Variants in GPD2 observed in about 807,000 individuals in gnomAD.
GPD2 encodes glycerol-3-phosphate dehydrogenase 2.
Under a neutral mutation model 82.4 loss-of-function variants are expected in GPD2, and 54 were observed. The ratio of observed to expected loss-of-function variants is 0.66; its 90% CI spans 0.53 to 0.82. The LOEUF (loss-of-function observed/expected upper bound fraction) is 0.82, where lower values mean the gene tolerates loss of function less well. GPD2 is among the 40% of genes least tolerant of loss of function. The probability of loss-of-function intolerance (pLI) is 0.00; values close to 1 mark genes in which losing one functional copy is unlikely to be tolerated. For missense variants in GPD2, 748 were observed against 896.2 expected (o/e 0.83, Z 2.11); for synonymous variants, 288 against 306.1 (o/e 0.94, Z 0.62).
intron 6 of GPD2, among the ~76,000 whole-genome samples, chr2:156,538,519 A>G (rs1686168316): frequency 6.6e-6 from 1 of 151,868 alleles, no homozygotes; most frequent in Non-Finnish European, 1.5e-5. Flanking sequence ...TATTTGAATA[A>G]CCAAATTAAG....
chr2:156,550,845 C>T, intron 8 of GPD2, 99 bp downstream of exon 8: 1 of 962,198 alleles, frequency 1.0e-6, no homozygotes, highest in South Asian at 1.4e-5. Context: ...GATGGTCTAA[C>T]TTGCTGTTCA....
At chr2:156,541,884 G>A (rs966312406) in intron 6 of GPD2, among the ~76,000 whole-genome samples, 2 of 127,094 alleles carry the variant, frequency 1.6e-5, no homozygotes, top group African/African-American at 6.0e-5. Flanking sequence ...CCTGGGAAAG[G>A]CACAAGGAAT....
At chr2:156,562,146 T>G (rs1415250378) in intron 9 of GPD2, among the ~76,000 whole-genome samples, 5 of 152,236 alleles carry the variant, frequency 3.3e-5, no homozygotes, top group Non-Finnish European at 7.3e-5. Context: ...GACAGAAGAT[T>G]TGCTGAGTGC....
At chr2:156,497,576 C>T (rs1442091863) in intron 3 of GPD2, among the ~76,000 whole-genome samples, 1 of 152,100 alleles carries the variant, frequency 6.6e-6, no homozygotes, top group Non-Finnish European at 1.5e-5. Flanking sequence ...ACTGCAGCCA[C>T]TCTTGATTTA....
chr2:156,575,513 C>T (rs1413127345), intron 13 of GPD2, among the ~76,000 whole-genome samples: 4 of 151,428 alleles, frequency 2.6e-5, no homozygotes, highest in Admixed American at 2.6e-4. Flanking sequence ...GGTGATTCTC[C>T]CACCTCAGCC....
chr2:156,451,886 C>T (rs1458675085), intron 1 of GPD2, among the ~76,000 whole-genome samples: 41 of 148,236 alleles, frequency 2.8e-4, no homozygotes, highest in Non-Finnish European at 4.8e-4. Context: ...ACGGGGCGGC[C>T]GGGCAGAGAC....
chr2:156,504,291 G>A (rs1325976085), intron 3 of GPD2, among the ~76,000 whole-genome samples: 1 of 151,964 alleles, frequency 6.6e-6, no homozygotes, highest in Non-Finnish European at 1.5e-5. Context: ...CCCATAAAAT[G>A]TTCAGCCTTC....
chr2:156,575,924 A>G (rs372043135), intron 13 of GPD2, among the ~76,000 whole-genome samples: 3 of 152,214 alleles, frequency 2.0e-5, no homozygotes, highest in Non-Finnish European at 2.9e-5. Flanking sequence ...TTAAATTACA[A>G]TGTTGATGGC....
chr2:156,574,939 T>C (rs1031828010), intron 13 of GPD2, among the ~76,000 whole-genome samples: 4 of 152,214 alleles, frequency 2.6e-5, no homozygotes, highest in African/African-American at 9.6e-5. Context: ...TATAATTTAC[T>C]ACCAATGTCT....
chr2:156,454,487 CT>C (rs1682720352), intron 1 of GPD2, among the ~76,000 whole-genome samples: 1 of 105,694 alleles, frequency 9.5e-6, no homozygotes, highest in South Asian at 4.5e-4. Context: ...GAGACCCTAT[CT>C]CTATGAAAAA....
At chr2:156,549,812 T>G in intron 7 of GPD2, 40 bp downstream of exon 7, 1 of 1,429,958 alleles carries the variant, frequency 7.0e-7, no homozygotes, top group East Asian at 2.3e-5. Flanking sequence ...TCTTAGTATC[T>G]TGCCTAGCTT....
chr2:156,499,402 A>G (rs1274920053), intron 3 of GPD2, among the ~76,000 whole-genome samples: 1 of 152,174 alleles, frequency 6.6e-6, no homozygotes, highest in Admixed American at 6.6e-5. Context: ...CTATGAAAAC[A>G]GAGGAAATTG....
chr2:156,451,476 CCCCA>C (rs1682577090), intron 1 of GPD2, among the ~76,000 whole-genome samples: 1 of 38,590 alleles, frequency 2.6e-5, no homozygotes, highest in African/African-American at 9.0e-5. Context: ...GGGCTGACCC[CCCCA>C]CCTCCCTCCC....
At chr2:156,482,889 G>A (rs1376199348) in intron 2 of GPD2, among the ~76,000 whole-genome samples, 1 of 152,152 alleles carries the variant, frequency 6.6e-6, no homozygotes, top group Non-Finnish European at 1.5e-5. Context: ...GTTAGTGTCA[G>A]CAAAACCCAG....
chr2:156,461,494 T>G (rs940501869), intron 1 of GPD2, among the ~76,000 whole-genome samples: 2 of 152,164 alleles, frequency 1.3e-5, no homozygotes, highest in Non-Finnish European at 1.5e-5. Flanking sequence ...TCCTCCTGCC[T>G]CAGCCTCCTG....
intron 6 of GPD2, among the ~76,000 whole-genome samples, chr2:156,514,978 A>G (rs1685146085): frequency 6.6e-6 from 1 of 152,184 alleles, no homozygotes; most frequent in African/African-American, 2.4e-5. Flanking sequence ...TGACATGGAA[A>G]TGTTTGTGGC....
At chr2:156,519,412 T>C (rs1361201833) in intron 6 of GPD2, among the ~76,000 whole-genome samples, 5 of 152,162 alleles carry the variant, frequency 3.3e-5, no homozygotes, top group Admixed American at 6.5e-5. Flanking sequence ...AAAGAACTAT[T>C]GAATAAGAGG....
intron 6 of GPD2, among the ~76,000 whole-genome samples, chr2:156,532,818 C>A (rs893637077): frequency 6.6e-6 from 1 of 152,094 alleles, no homozygotes; most frequent in African/African-American, 2.4e-5. Context: ...CCTCTGTGAC[C>A]CACATTTGAT....
upstream of GPD2, among the ~76,000 whole-genome samples, chr2:156,431,980 G>A (rs1034438267): frequency 6.9e-6 from 1 of 145,976 alleles, no homozygotes; most frequent in Non-Finnish European, 1.5e-5. Flanking sequence ...TCTGCCTCCC[G>A]GGTTCAAGCA....
Sources: gnomAD v4.1 joint callset for allele counts (sites outside exome capture counted in the v4.1 genomes callset) on GRCh38, gnomAD v4.1.1 for gene constraint, MANE v1.5 for transcripts, NCBI Gene and HGNC (gene_info 2026-07-23, HGNC 2026-07-21) for gene names.